The following CAST variants were observed in gnomAD, a reference collection of about 807,000 sequenced individuals.
CAST encodes MIR583 host.
A neutral mutation model predicts 119.6 loss-of-function variants in CAST; 76 were observed. That is an observed-to-expected ratio of 0.64 (90% CI 0.53 to 0.77). The LOEUF (loss-of-function observed/expected upper bound fraction) is 0.77, where lower values mean the gene tolerates loss of function less well. Ranked by LOEUF, CAST falls within the 30% of genes least tolerant of loss-of-function variation. The pLI is 0.00. For missense variants in CAST, 953 were observed against 946.5 expected, an observed-to-expected ratio of 1.01 and a Z score of -0.09; for synonymous variants, 319 against 331.6, an observed-to-expected ratio of 0.96 and a Z score of 0.41.
chr5:96,320,917 C>T, the CAST span, among the ~76,000 whole-genome samples: 1 of 152,278 alleles, frequency 6.6e-6, no homozygotes, highest in Admixed American at 6.5e-5. Context: ...CCCCTTCCCC[C>T]AGAAATTTAA....
chr5:96,252,801 C>A, the CAST span, among the ~76,000 whole-genome samples: 1 of 152,142 alleles, frequency 6.6e-6, no homozygotes, highest in Admixed American at 6.6e-5. Context: ...TTGATTCATG[C>A]ATTGCAGATC....
chr5:96,615,634 G>A (rs1747441010), intron 1 of CAST, among the ~76,000 whole-genome samples: 1 of 152,200 alleles, frequency 6.6e-6, no homozygotes, highest in African/African-American at 2.4e-5. Context: ...GAGGGGTCAG[G>A]TGGAGGTGTA....
At chr5:95,964,564 G>A in the CAST span, among the ~76,000 whole-genome samples, 1 of 152,154 alleles carries the variant, frequency 6.6e-6, no homozygotes, top group Non-Finnish European at 1.5e-5. Context: ...AGTCTGAAGA[G>A]GTTTAATGGA....
At chr5:96,550,033 G>A (rs116763034) in intron 1 of CAST, among the ~76,000 whole-genome samples, 64 of 152,330 alleles carry the variant, frequency 4.2e-4, no homozygotes, top group African/African-American at 1.4e-3. Flanking sequence ...GTCCCTGCCC[G>A]ACAGCTCTCA....
intron 29 of CAST, among the ~76,000 whole-genome samples, chr5:96,768,796 G>C (rs1441086987): frequency 6.6e-6 from 1 of 152,178 alleles, no homozygotes; most frequent in Non-Finnish European, 1.5e-5. Context: ...TCAAGCATCA[G>C]CTCCTTAGGG....
chr5:96,595,690 G>T (rs998744936), intron 1 of CAST, among the ~76,000 whole-genome samples: 6 of 152,104 alleles, frequency 3.9e-5, no homozygotes, highest in African/African-American at 1.2e-4. Flanking sequence ...CCACCTAGAG[G>T]CCAAAGAAAG....
the CAST span, among the ~76,000 whole-genome samples, chr5:96,325,381 C>T: frequency 0.035 from 4,986 of 140,916 alleles, 84 homozygotes; most frequent in South Asian, 0.049. Flanking sequence ...TTTCTTTCTT[C>T]TTTCTTTCTT....
the CAST span, among the ~76,000 whole-genome samples, chr5:96,236,585 T>G: frequency 1.6e-4 from 25 of 152,318 alleles, no homozygotes; most frequent in East Asian, 4.6e-3. Context: ...AAGGAATGAA[T>G]GAAAGACTAT....
chr5:96,379,095 T>G, the CAST span, among the ~76,000 whole-genome samples: 1 of 152,318 alleles, frequency 6.6e-6, no homozygotes, highest in East Asian at 1.9e-4. Flanking sequence ...TTAGGATATT[T>G]TCTCAGAATG....
chr5:96,752,260 T>C (rs1765224315), intron 20 of CAST, among the ~76,000 whole-genome samples: 1 of 152,210 alleles, frequency 6.6e-6, no homozygotes, highest in African/African-American at 2.4e-5. Context: ...TGTTCTTAAG[T>C]CTGCTTCTTC....
intron 1 of CAST, among the ~76,000 whole-genome samples, chr5:96,574,455 G>A (rs1029802409): frequency 1.3e-5 from 2 of 151,994 alleles, no homozygotes; most frequent in East Asian, 1.9e-4. Context: ...TTGAACATAC[G>A]GTCTGCTAAT....
At chr5:96,137,519 A>C in the CAST span, among the ~76,000 whole-genome samples, 774 of 152,258 alleles carry the variant, frequency 5.1e-3, 5 homozygotes, top group Non-Finnish European at 6.5e-3. Context: ...TTAGGTAGAT[A>C]CCTAGGAGTG....
At chr5:96,081,608 A>C in the CAST span, among the ~76,000 whole-genome samples, 2 of 152,168 alleles carry the variant, frequency 1.3e-5, no homozygotes, top group Non-Finnish European at 1.5e-5. Context: ...TAACTTGCCT[A>C]GACTGACTAC....
intron 1 of CAST, among the ~76,000 whole-genome samples, chr5:96,533,848 T>C (rs11959061): frequency 0.6 from 90,635 of 152,018 alleles, 27,601 homozygotes; most frequent in East Asian, 0.87. Flanking sequence ...ACTTGTGCAA[T>C]TGTTTGAGTT....
chr5:96,509,506 C>T, the CAST span, among the ~76,000 whole-genome samples: 148,605 of 152,360 alleles, frequency 0.98, 72,595 homozygotes, highest in East Asian at 1. Flanking sequence ...GTTGTTACCT[C>T]GACAACAAAA....
At chr5:96,419,327 A>AT in the CAST span, among the ~76,000 whole-genome samples, 145 of 141,532 alleles carry the variant, frequency 1.0e-3, 1 homozygote, top group Middle Eastern at 3.6e-3. Flanking sequence ...ATATATATAT[A>AT]AAACCTCACT....
the CAST span, among the ~76,000 whole-genome samples, chr5:96,462,228 T>C: frequency 6.6e-6 from 1 of 152,258 alleles, no homozygotes; most frequent in South Asian, 2.1e-4. Flanking sequence ...GGCCCCTAGA[T>C]TCTAAGCTCC....
chr5:96,555,335 T>A (rs1412147945), intron 1 of CAST, among the ~76,000 whole-genome samples: 5 of 152,120 alleles, frequency 3.3e-5, no homozygotes, highest in Admixed American at 2.6e-4. Flanking sequence ...CATTTCCAAC[T>A]GAGGTACGTG....
chr5:96,625,993 T>TG (rs2150200622), intron 1 of CAST, among the ~76,000 whole-genome samples: 1 of 152,270 alleles, frequency 6.6e-6, no homozygotes, highest in South Asian at 2.1e-4. Flanking sequence ...CCCATCCTCC[T>TG]CAGGAGTCAG....
Sources: allele counts gnomAD v4.1 joint callset (sites outside exome capture counted in the v4.1 genomes callset), GRCh38; gene constraint gnomAD v4.1.1; transcripts MANE v1.5; gene names NCBI Gene and HGNC (gene_info 2026-07-23, HGNC 2026-07-21).